DHRS4L2: variants seen among roughly 807,000 people sequenced by gnomAD.
DHRS4L2 encodes dehydrogenase/reductase SDR family member 4-like 2.
DHRS4L2 carries 22 observed loss-of-function variants against 23.9 expected under a neutral mutation model. That is an observed-to-expected ratio of 0.92 (90% CI 0.66 to 1.31). The LOEUF (loss-of-function observed/expected upper bound fraction) is 1.31. DHRS4L2 is among the 40% of genes most tolerant of loss of function. The pLI is 0.00. For missense variants in DHRS4L2, 385 were observed against 303.3 expected (o/e 1.27, Z -2.00); for synonymous variants, 141 against 123.7 (o/e 1.14, Z -0.93).
intron 6 of DHRS4L2, 45 bp from the exon 7 acceptor site, chr14:24,004,292 A>T (rs760375844): frequency 1.3e-6 from 2 of 1,535,636 alleles, no homozygotes; most frequent in East Asian, 2.4e-5. Flanking sequence ...AAAAAAAGAA[A>T]GGAAAAGAAA....
chr14:23,986,218 C>T (rs1421688642), upstream of DHRS4L2, among the ~76,000 whole-genome samples: 6 of 151,314 alleles, frequency 4.0e-5, no homozygotes, highest in Non-Finnish European at 8.8e-5. Context: ...TAGAGATTCC[C>T]ATACTTCTTG....
chr14:23,999,344 T>TAAAAAAAAAAAAAAAAA (rs71426825), intron 3 of DHRS4L2, among the ~76,000 whole-genome samples: 2 of 53,678 alleles, frequency 3.7e-5, no homozygotes, highest in Admixed American at 3.0e-4. Flanking sequence ...CTCCAATTTG[T>TAAAAAAAAAAAAAAAAA]AAAAAAAAAA....
At chr14:23,985,234 C>G (rs774287347), upstream of DHRS4L2, among the ~76,000 whole-genome samples, 44 of 151,594 alleles carry the variant, frequency 2.9e-4, 1 homozygote, top group Non-Finnish European at 1.0e-4. Context: ...GAGTTGGTCA[C>G]GACCCTCAGG....
Position 24,000,910 on chromosome 14 carries a change from G to A in DHRS4L2, c.456G>A (p.Val152=), listed in dbSNP as rs1594476400. ...CCCCAGCCCTGATGACAAAGGCAGT[G>A]GTGCCAGAAATGGAGAAACGAGGGT... The part of the protein sequence containing the change: ...VKAPALMTKA[V]VPEMEKRGGG... Residue 152 remains valine (V), a synonymous_variant, in exon 4 of 8, where the codon GTG becomes GTA. Coordinates refer to ENST00000335125, the MANE Select transcript of DHRS4L2 (RefSeq NM_198083.4). 6.2e-7 allele frequency: 1 copy of A among 1,611,202 alleles called. No individual in the cohort carries two copies. Among genetic ancestry groups the A allele is most frequent in the Non-Finnish European group, 8.5e-7 (1 of 1,179,306 alleles).
chr14:23,971,805 C>T (rs1248513435), intron 1 of DHRS4L2, among the ~76,000 whole-genome samples: 1 of 152,026 alleles, frequency 6.6e-6, no homozygotes, highest in Non-Finnish European at 1.5e-5. Context: ...ACCAGGCCTG[C>T]CTTACAATAA....
At chr14:23,978,194 C>G (rs1173489609) in intron 1 of DHRS4L2, among the ~76,000 whole-genome samples, 1 of 151,072 alleles carries the variant, frequency 6.6e-6, no homozygotes, top group African/African-American at 2.5e-5. Flanking sequence ...GTATTTGTAC[C>G]AAACACACAA....
upstream of DHRS4L2, among the ~76,000 whole-genome samples, chr14:23,985,576 A>T (rs181442843): frequency 6.6e-6 from 1 of 151,672 alleles, no homozygotes. Flanking sequence ...GCCCTCAATC[A>T]TGGAGGCATT....
upstream of DHRS4L2, among the ~76,000 whole-genome samples, chr14:23,986,300 T>C (rs1332558091): frequency 3.3e-5 from 5 of 151,108 alleles, no homozygotes; most frequent in East Asian, 9.7e-4. Context: ...TAGGTGGGAA[T>C]TGAACAATGA....
At chr14:24,004,280 A>T (rs917172481) in intron 6 of DHRS4L2, 57 bp from the exon 7 acceptor site, 1 of 1,524,162 alleles carries the variant, frequency 6.6e-7, no homozygotes, top group South Asian at 1.3e-5. Context: ...AAAAAAAAAA[A>T]AAAAAAAAGA....
chr14:23,987,870 T>TG (rs1177999535), upstream of DHRS4L2, among the ~76,000 whole-genome samples: 2 of 150,784 alleles, frequency 1.3e-5, no homozygotes, highest in Non-Finnish European at 3.0e-5. Context: ...TTGGGTCTGT[T>TG]GCGGCCTTTC....
At chr14:23,997,124 A>G (rs2034398563) in intron 3 of DHRS4L2, among the ~76,000 whole-genome samples, 1 of 145,512 alleles carries the variant, frequency 6.9e-6, no homozygotes, top group South Asian at 2.3e-4. Flanking sequence ...TTCCCAGTGC[A>G]TATAAAAGTT....
At position 23,988,999 on chromosome 14, in the gene DHRS4L2, C is replaced by T. The variant is rs538646288; in HGVS notation, c.52C>T (p.Arg18Trp). The change falls in exon 1 of 8, where the codon CGG becomes TGG. Residue 18 changes from arginine (R) to tryptophan (W), a missense_variant. By Grantham distance (101) the Arg-to-Trp change is moderately radical. Coordinates refer to ENST00000335125, the MANE Select transcript of DHRS4L2 (RefSeq NM_198083.4). ...CTGTGCCTGGGCACGGAAGTCGGTG[C>T]GGATGGCCAGCTCCAGGATGACCCG... ...GLCAWARKSV[R>W]MASSRMTRRD... The T allele has an allele frequency of 1.5e-5, 24 of 1,610,638 alleles. No homozygotes were observed. Among genetic ancestry groups the T allele is most frequent in the East Asian group, 8.9e-5 (4 of 44,830 alleles).
chr14:23,972,439 C>G (rs1453364603), intron 1 of DHRS4L2, among the ~76,000 whole-genome samples: 2 of 151,994 alleles, frequency 1.3e-5, no homozygotes, highest in Non-Finnish European at 2.9e-5. Context: ...AGCTGCAGAC[C>G]TTCACGGTGA....
intron 1 of DHRS4L2, among the ~76,000 whole-genome samples, chr14:23,977,968 GA>G (rs1323600852): frequency 6.6e-6 from 1 of 151,532 alleles, no homozygotes; most frequent in Non-Finnish European, 1.5e-5. Flanking sequence ...TCTCTCTCTG[GA>G]TATAAAATTG....
intron 6 of DHRS4L2, among the ~76,000 whole-genome samples, chr14:24,003,935 A>C (rs2034520121): frequency 1.2e-5 from 1 of 82,444 alleles, no homozygotes; most frequent in South Asian, 4.3e-4. Context: ...GCAAACAGGG[A>C]CAATTTGACT....
upstream of DHRS4L2, among the ~76,000 whole-genome samples, chr14:23,985,363 A>AAC (rs2034121471): frequency 6.6e-6 from 1 of 151,652 alleles, no homozygotes; most frequent in Non-Finnish European, 1.5e-5. Flanking sequence ...AAATGCTGTT[A>AAC]ACACTCTTAC....
intron 1 of DHRS4L2, among the ~76,000 whole-genome samples, chr14:23,973,256 G>A (rs1594449712): frequency 6.6e-6 from 1 of 151,948 alleles, no homozygotes; most frequent in East Asian, 1.9e-4. Flanking sequence ...TTCAAGGGCA[G>A]AGGTCCCTGT....
chr14:23,977,015 G>C (rs970513750), intron 1 of DHRS4L2, among the ~76,000 whole-genome samples: 2 of 151,684 alleles, frequency 1.3e-5, no homozygotes. Context: ...ATGACGAGTT[G>C]ATGGATCCAG....
chr14:24,004,447 T>C, intron 7 of DHRS4L2, 55 bp downstream of exon 7: 1 of 1,574,838 alleles, frequency 6.3e-7, no homozygotes, highest in Non-Finnish European at 8.6e-7. Context: ...GAAGGTCTGG[T>C]CCCTAGCAGC....
Sources: gnomAD v4.1 joint callset for allele counts (sites outside exome capture counted in the v4.1 genomes callset) on GRCh38, gnomAD v4.1.1 for gene constraint, MANE v1.5 for transcripts, NCBI Gene and HGNC (gene_info 2026-07-23, HGNC 2026-07-21) for gene names.